Variants in ABTB2 observed in about 807,000 individuals in gnomAD.
ABTB2 encodes the protein ankyrin repeat and BTB/POZ domain-containing protein 2.
Under a neutral mutation model 104.1 loss-of-function variants are expected in ABTB2, and 56 were observed. That is an observed-to-expected ratio of 0.54 (90% CI 0.43 to 0.67). ABTB2 has a LOEUF of 0.67. Ranked by LOEUF, ABTB2 falls within the 30% of genes least tolerant of loss-of-function variation. The probability of loss-of-function intolerance (pLI) is 0.00; values close to 1 mark genes in which losing one functional copy is unlikely to be tolerated. For missense variants in ABTB2, 1,279 were observed against 1,407.7 expected (o/e 0.91, Z 1.46); for synonymous variants, 606 against 608.2 (o/e 1.00, Z 0.05).
At chr11:34,196,515 T>C (rs914584258) in intron 3 of ABTB2, among the ~76,000 whole-genome samples, 2 of 152,234 alleles carry the variant, frequency 1.3e-5, no homozygotes, top group African/African-American at 4.8e-5. Context: ...GATTGTGCCA[T>C]TGCACTCCAG....
At chr11:34,249,697 T>C (rs559097316) in intron 1 of ABTB2, among the ~76,000 whole-genome samples, 30 of 152,302 alleles carry the variant, frequency 2.0e-4, no homozygotes, top group African/African-American at 6.5e-4. Flanking sequence ...GAGGCTGGAG[T>C]GCCGTGGTGT....
chr11:34,243,585 A>C (rs1853948107), intron 1 of ABTB2, among the ~76,000 whole-genome samples: 1 of 152,236 alleles, frequency 6.6e-6, no homozygotes. Context: ...ATAATCCTAG[A>C]AAATATGTCC....
At position 34,162,877 on chromosome 11, in the gene ABTB2, G is replaced by A. The variant is rs57104619; in HGVS notation, c.1989-72C>T. 98 of 1,419,342 alleles carry A rather than the reference G, an allele frequency of 6.9e-5. No individual in the cohort carries two copies. In the African/African-American group the frequency reaches 1.3e-3, roughly 18 times the overall value. The allele number at this position is 1,419,342 out of a possible 1,614,324, so 87.9% of individuals were successfully genotyped here. On this transcript the variant is annotated intron_variant, in intron 9 of 16. Coordinates refer to ENST00000435224, the MANE Select transcript of ABTB2 (RefSeq NM_145804.3). ...CAGTGCCCACCTGAGCTGTCCCCCA[G>A]TGCCCTCCTGCCCCGACGGGCTGCT...
intron 1 of ABTB2, among the ~76,000 whole-genome samples, chr11:34,282,057 G>C (rs1854454334): frequency 6.6e-6 from 1 of 152,182 alleles, no homozygotes; most frequent in Admixed American, 6.5e-5. Context: ...CATCTCTTAT[G>C]GTTCTGGAGA....
At position 34,318,453 on chromosome 11, in the gene ABTB2, T is replaced by C. The variant is rs991784972; in HGVS notation, c.883+38248A>G. ...CATGATTCCAAGGAATGACTTATTT[T>C]AAAGGCAACCCAGAGACCATCTAGA... On this transcript the variant is annotated intron_variant, in intron 1 of 16. Transcript: ENST00000435224. 5.3e-5 allele frequency among the ~76,000 whole-genome samples: 8 copies of C among 152,192 alleles called. No homozygotes were observed. In the East Asian group the frequency reaches 1.5e-3, roughly 29 times the overall value.
chr11:34,352,951 C>G (rs930766782), intron 1 of ABTB2, among the ~76,000 whole-genome samples: 2 of 152,150 alleles, frequency 1.3e-5, no homozygotes, highest in African/African-American at 4.8e-5. Context: ...GTCCCAGCCA[C>G]TTGGGAGGCT....
intron 1 of ABTB2, among the ~76,000 whole-genome samples, chr11:34,315,812 T>C (rs1029179967): frequency 1.3e-5 from 2 of 152,196 alleles, no homozygotes; most frequent in African/African-American, 4.8e-5. Flanking sequence ...CTGCCTTTCA[T>C]GGCAGGCTCT....
chr11:34,212,259 G>A (rs2133045325), intron 1 of ABTB2, among the ~76,000 whole-genome samples: 1 of 152,262 alleles, frequency 6.6e-6, no homozygotes, highest in South Asian at 2.1e-4. Flanking sequence ...GTTTCGCCAT[G>A]TTGGCCAGGC....
At chr11:34,254,626 T>A (rs1854098510) in intron 1 of ABTB2, among the ~76,000 whole-genome samples, 1 of 151,882 alleles carries the variant, frequency 6.6e-6, no homozygotes, top group Admixed American at 6.6e-5. Context: ...ACTAGCCACA[T>A]GTGGTTTTTG....
intron 1 of ABTB2, among the ~76,000 whole-genome samples, chr11:34,333,985 C>T (rs1334598833): frequency 1.3e-5 from 2 of 150,732 alleles, no homozygotes; most frequent in Non-Finnish European, 3.0e-5. Context: ...TTGGTGCTTC[C>T]CCTTTCCACT....
At chr11:34,270,621 T>C (rs895417140) in intron 1 of ABTB2, among the ~76,000 whole-genome samples, 1 of 152,194 alleles carries the variant, frequency 6.6e-6, no homozygotes, top group Admixed American at 6.5e-5. Flanking sequence ...ATTACAGGCG[T>C]GAGCCACCGT....
intron 1 of ABTB2, among the ~76,000 whole-genome samples, chr11:34,305,209 C>T (rs912603983): frequency 2.0e-5 from 3 of 152,212 alleles, no homozygotes; most frequent in African/African-American, 7.2e-5. Context: ...TAAGCTAGGT[C>T]TCCACACTAA....
chr11:34,308,334 C>A (rs1328480114), intron 1 of ABTB2, among the ~76,000 whole-genome samples: 3 of 152,210 alleles, frequency 2.0e-5, no homozygotes, highest in African/African-American at 7.2e-5. Context: ...ATTTCTCAGG[C>A]CACAGCTTGT....
intron 1 of ABTB2, among the ~76,000 whole-genome samples, chr11:34,301,227 C>T (rs1225226695): frequency 6.6e-6 from 1 of 152,126 alleles, no homozygotes; most frequent in Non-Finnish European, 1.5e-5. Flanking sequence ...GAGAAGGGAG[C>T]TGCCCACATG....
At chr11:34,163,495 G>C (rs1428651539) in intron 9 of ABTB2, among the ~76,000 whole-genome samples, 1 of 152,218 alleles carries the variant, frequency 6.6e-6, no homozygotes, top group Non-Finnish European at 1.5e-5. Context: ...GGCCACTCCA[G>C]GTGGGGGTAC....
At chr11:34,168,180 T>C (rs1271365578) in intron 5 of ABTB2, among the ~76,000 whole-genome samples, 188 bp from the exon 6 acceptor site, 5 of 152,112 alleles carry the variant, frequency 3.3e-5, no homozygotes, top group African/African-American at 1.2e-4. Context: ...GTGGGGGCAC[T>C]GCCATGAGCA....
At chr11:34,292,496 A>G (rs1326535097) in intron 1 of ABTB2, among the ~76,000 whole-genome samples, 1 of 152,084 alleles carries the variant, frequency 6.6e-6, no homozygotes, top group Non-Finnish European at 1.5e-5. Flanking sequence ...CCAGTCAGTC[A>G]TCTTACCTTT....
chr11:34,170,666 G>GC (rs1335690816), intron 5 of ABTB2, among the ~76,000 whole-genome samples: 2 of 152,204 alleles, frequency 1.3e-5, no homozygotes, highest in Non-Finnish European at 2.9e-5. Flanking sequence ...TGAAACAGTG[G>GC]CCAGCTGTCC....
intron 1 of ABTB2, among the ~76,000 whole-genome samples, chr11:34,295,079 G>A (rs998349355): frequency 3.2e-4 from 49 of 152,154 alleles, no homozygotes; most frequent in African/African-American, 1.0e-3. Context: ...AGCTACTTGG[G>A]AGGCTGAGAT....
Sources: gnomAD v4.1 joint callset for allele counts (sites outside exome capture counted in the v4.1 genomes callset) on GRCh38, gnomAD v4.1.1 for gene constraint, MANE v1.5 for transcripts, NCBI Gene and HGNC (gene_info 2026-07-23, HGNC 2026-07-21) for gene names.